TMEM71: variants seen among roughly 807,000 people sequenced by gnomAD.
TMEM71 encodes transmembrane protein 71.
TMEM71 carries 44 observed loss-of-function variants against 38.0 expected under a neutral mutation model. That is an observed-to-expected ratio of 1.16 (90% CI 0.91 to 1.49). The LOEUF is 1.49. TMEM71 is among the 40% of genes most tolerant of loss of function. TMEM71 has a pLI of 0.00. For missense variants in TMEM71, 367 were observed against 348.6 expected, an observed-to-expected ratio of 1.05 and a Z score of -0.42; for synonymous variants, 133 against 122.5, an observed-to-expected ratio of 1.09 and a Z score of -0.56.
intron 4 of TMEM71, among the ~76,000 whole-genome samples, chr8:132,749,679 C>G (rs1407823940): frequency 2.6e-5 from 4 of 152,142 alleles, no homozygotes; most frequent in Non-Finnish European, 5.9e-5. Context: ...GGTGGGTCAC[C>G]AGTTAAGCTA....
At chr8:132,762,876 G>A (rs1829320802), upstream of TMEM71, among the ~76,000 whole-genome samples, 1 of 152,162 alleles carries the variant, frequency 6.6e-6, no homozygotes, top group Non-Finnish European at 1.5e-5. Flanking sequence ...ACCTCACGTA[G>A]CCCTAGAAAA....
the TMEM71 span, among the ~76,000 whole-genome samples, chr8:132,770,078 G>A: frequency 6.6e-6 from 1 of 152,216 alleles, no homozygotes; most frequent in African/African-American, 2.4e-5. Context: ...AACAATCCAC[G>A]GAAATGGGGA....
chr8:132,747,637 A>G (rs557895082), intron 4 of TMEM71, among the ~76,000 whole-genome samples: 7 of 152,176 alleles, frequency 4.6e-5, no homozygotes, highest in Non-Finnish European at 8.8e-5. Flanking sequence ...AAGTGCTCTG[A>G]AAGGATTACC....
chr8:132,774,784 T>C, the TMEM71 span, among the ~76,000 whole-genome samples: 1 of 151,866 alleles, frequency 6.6e-6, no homozygotes, highest in African/African-American at 2.4e-5. Flanking sequence ...GTGATATCAA[T>C]GTAGCCATAG....
rs141663906 is a variant in TMEM71, at chr8:132,729,821, A to G, written c.488-1835T>C. ...AGGGACTCAAAATGCTATTTCCTCA[A>G]TGAAAGGATGGCTAAGAAAAAAAAT... On this transcript the variant is annotated intron_variant, in intron 5 of 9. Transcript: ENST00000677595. Among the ~76,000 whole-genome samples, 628 of 152,318 alleles carry G rather than the reference A, an allele frequency of 4.1e-3. 8 individuals are homozygous for G. The highest frequency in any genetic ancestry group is 0.014 in the African/African-American group (598 of 41,566).
At chr8:132,770,789 C>T in the TMEM71 span, among the ~76,000 whole-genome samples, 1 of 152,094 alleles carries the variant, frequency 6.6e-6, no homozygotes, top group South Asian at 2.1e-4. Context: ...ATTTCATGTA[C>T]GTATGAATTG....
At chr8:132,726,727 C>T (rs934023773) in intron 6 of TMEM71, among the ~76,000 whole-genome samples, 1 of 152,184 alleles carries the variant, frequency 6.6e-6, no homozygotes, top group Non-Finnish European at 1.5e-5. Context: ...AAGGGACATG[C>T]TTGTTGAATT....
upstream of TMEM71, among the ~76,000 whole-genome samples, chr8:132,763,485 T>G (rs1328844848): frequency 6.6e-6 from 1 of 152,186 alleles, no homozygotes; most frequent in African/African-American, 2.4e-5. Flanking sequence ...CACAGAATAT[T>G]CAGTCCTCCA....
chr8:132,750,184 C>T (rs2433061), intron 4 of TMEM71, among the ~76,000 whole-genome samples: 46,329 of 152,018 alleles, frequency 0.3, 7,295 homozygotes, highest in Non-Finnish European at 0.33. Context: ...AGACTCACAA[C>T]GGAGGATAAG....
In TMEM71 at chr8:132,710,628, C is replaced by T. The variant is rs1053912794; in HGVS notation, c.*339G>A. ...TGGTTACAAGCTCCTCACAGAATTT[C>T]CTAATGAAAATTCAAGCTCGAGAAC... is the stretch of plus-strand genomic sequence containing the variant. On this transcript the variant is annotated 3_prime_UTR_variant, in exon 10 of 10. Coordinates refer to ENST00000677595, the MANE Select transcript of TMEM71 (RefSeq NM_001382403.1). 1 of 486,348 alleles carries T rather than the reference C, an allele frequency of 2.1e-6. No individual in the cohort carries two copies. The highest frequency in any genetic ancestry group is 4.1e-5 in the Admixed American group (1 of 24,290). The allele number at this position is 486,348 out of a possible 1,614,324, so 30.1% of individuals were successfully genotyped here.
upstream of TMEM71, among the ~76,000 whole-genome samples, chr8:132,760,899 C>T (rs1829280051): frequency 1.3e-5 from 2 of 152,174 alleles, no homozygotes; most frequent in African/African-American, 2.4e-5. Flanking sequence ...ATCATATGGC[C>T]ACATTCAGTT....
chr8:132,767,981 T>C, the TMEM71 span, among the ~76,000 whole-genome samples: 1 of 152,190 alleles, frequency 6.6e-6, no homozygotes, highest in African/African-American at 2.4e-5. Flanking sequence ...ATGTTACTTA[T>C]ACGTAATATG....
chr8:132,762,445 T>C (rs1433046645), upstream of TMEM71, among the ~76,000 whole-genome samples: 1 of 152,054 alleles, frequency 6.6e-6, no homozygotes, highest in East Asian at 1.9e-4. Context: ...AATCCACTTT[T>C]CCGAAGAGCT....
At chr8:132,750,528 T>C (rs1468749523) in intron 4 of TMEM71, among the ~76,000 whole-genome samples, 1 of 152,180 alleles carries the variant, frequency 6.6e-6, no homozygotes, top group Non-Finnish European at 1.5e-5. Context: ...GCATACTTGA[T>C]TCCAACTGAA....
the TMEM71 span, among the ~76,000 whole-genome samples, chr8:132,767,225 A>G: frequency 2.0e-5 from 3 of 152,158 alleles, no homozygotes; most frequent in Admixed American, 6.5e-5. Flanking sequence ...CCTCCTCTGA[A>G]GATTAGAGAA....
At chr8:132,752,311 G>A (rs920113867) in intron 3 of TMEM71, among the ~76,000 whole-genome samples, 1 of 152,084 alleles carries the variant, frequency 6.6e-6, no homozygotes, top group African/African-American at 2.4e-5. Flanking sequence ...ATGGGATGGT[G>A]GAAGCTCAAA....
intron 4 of TMEM71, among the ~76,000 whole-genome samples, chr8:132,750,012 C>CA (rs10623448): frequency 0.026 from 3,202 of 124,200 alleles, 168 homozygotes; most frequent in African/African-American, 0.092. Context: ...GACTCCATCT[C>CA]AAAAAAAAAA....
At chr8:132,760,261 AC>A (rs1285035943) in intron 1 of TMEM71, 1 of 152,200 alleles carries the variant, frequency 6.6e-6, no homozygotes, top group African/African-American at 2.4e-5. Flanking sequence ...TCAAAGCGAC[AC>A]ATCTATTCTG....
upstream of TMEM71, among the ~76,000 whole-genome samples, chr8:132,764,853 C>A (rs1293753323): frequency 6.6e-6 from 1 of 152,178 alleles, no homozygotes; most frequent in African/African-American, 2.4e-5. Flanking sequence ...AAGGAGAATG[C>A]TTTTCTAGTT....
Sources: allele counts gnomAD v4.1 joint callset (sites outside exome capture counted in the v4.1 genomes callset), GRCh38; gene constraint gnomAD v4.1.1; transcripts MANE v1.5; gene names NCBI Gene and HGNC (gene_info 2026-07-23, HGNC 2026-07-21).